APBA2: variants seen among roughly 807,000 people sequenced by gnomAD.
APBA2 encodes the protein amyloid-beta A4 precursor protein-binding family A member 2.
A neutral mutation model predicts 75.0 loss-of-function variants in APBA2; 30 were observed. That is an observed-to-expected ratio of 0.40 (90% confidence interval 0.30 to 0.54). The LOEUF is 0.54. Among genes scored for constraint, APBA2 ranks in the 20% least tolerant of loss-of-function variants. APBA2 has a pLI of 0.49. For synonymous variants in APBA2, 444 were observed against 409.6 expected (o/e 1.08, Z -1.01); for missense variants, 801 against 1,016.1 (o/e 0.79, Z 2.88).
At chr15:28,903,108 C>T (rs1484430685) in intron 1 of APBA2, among the ~76,000 whole-genome samples, 5 of 152,278 alleles carry the variant, frequency 3.3e-5, no homozygotes, top group Non-Finnish European at 1.5e-5. Flanking sequence ...TTCTGTGGTG[C>T]CGGCCAGGTT....
At chr15:28,957,540 C>G (rs926863264) in intron 2 of APBA2, among the ~76,000 whole-genome samples, 2 of 152,218 alleles carry the variant, frequency 1.3e-5, no homozygotes, top group South Asian at 4.1e-4. Context: ...CCAGTTTTCT[C>G]CACATCCTCA....
At chr15:29,108,108 C>G (rs1424624029) in intron 12 of APBA2, among the ~76,000 whole-genome samples, 162 bp from the exon 13 acceptor site, 2 of 151,980 alleles carry the variant, frequency 1.3e-5, no homozygotes, top group Non-Finnish European at 2.9e-5. Flanking sequence ...AGGCTTGTCC[C>G]CGCTGCACAG....
rs1200996519 is a variant in APBA2 at position 28,918,937 on chromosome 15, G to T, written c.-204-2703G>T. ...TGCAGTGGCGCTATCTTGGCTCACT[G>T]CAAGCTCCGCCTCCAGGGTTCACGC... On this transcript the variant is annotated intron_variant, in intron 1 of 14. Transcript: ENST00000683413. This position sits in a 1 kb window ranked among gnomAD's most constrained non-coding sequence, Gnocchi z 4.2. Among the ~76,000 whole-genome samples the T allele has an allele frequency of 6.6e-6, 1 of 151,804 alleles. No homozygotes were observed. Among genetic ancestry groups the T allele is most frequent in the Non-Finnish European group, 1.5e-5 (1 of 67,974 alleles).
chr15:28,931,508 C>T (rs974229428), intron 2 of APBA2, among the ~76,000 whole-genome samples: 8 of 152,200 alleles, frequency 5.3e-5, no homozygotes, highest in Non-Finnish European at 8.8e-5. Context: ...GGACCTGGTG[C>T]TGTTGCCACC....
intron 4 of APBA2, among the ~76,000 whole-genome samples, chr15:29,062,813 C>T (rs1367406077): frequency 1.3e-5 from 2 of 152,290 alleles, no homozygotes; most frequent in East Asian, 1.9e-4. Flanking sequence ...GTCAGGAAGC[C>T]GGCATCCCAC....
At chr15:29,071,284 G>A (rs2042610774) in intron 4 of APBA2, among the ~76,000 whole-genome samples, 9 of 152,098 alleles carry the variant, frequency 5.9e-5, no homozygotes, top group Admixed American at 5.9e-4. Context: ...TTTATTACAA[G>A]CATTTATCTC....
At chr15:29,116,339 G>A (rs949512766) in intron 14 of APBA2, among the ~76,000 whole-genome samples, 4 of 152,138 alleles carry the variant, frequency 2.6e-5, no homozygotes, top group South Asian at 4.1e-4. Context: ...TGTAAGAAGG[G>A]GTGTAGGCCG....
At chr15:29,097,615 C>G (rs535772903) in intron 8 of APBA2, among the ~76,000 whole-genome samples, 78 of 152,298 alleles carry the variant, frequency 5.1e-4, no homozygotes, top group African/African-American at 1.8e-3. Context: ...TGTGAAATGA[C>G]TATATCTAGC....
intron 9 of APBA2, 42 bp from the exon 10 acceptor site, chr15:29,101,557 C>T (rs1443778013): frequency 6.3e-7 from 1 of 1,593,748 alleles, no homozygotes; most frequent in Non-Finnish European, 8.6e-7. Flanking sequence ...ATGGATTGTC[C>T]CAGTAGTGTT....
chr15:29,079,268 A>G (rs934298928), intron 6 of APBA2, among the ~76,000 whole-genome samples: 2 of 151,802 alleles, frequency 1.3e-5, no homozygotes, highest in Non-Finnish European at 2.9e-5. Context: ...GTTCTGTACC[A>G]TTGCAGCTGA....
At chr15:28,948,731 G>C (rs2035684988) in intron 2 of APBA2, among the ~76,000 whole-genome samples, 1 of 152,214 alleles carries the variant, frequency 6.6e-6, no homozygotes, top group South Asian at 2.1e-4. Context: ...GTGCCCTGCG[G>C]TTGTGGTTTT....
intron 6 of APBA2, among the ~76,000 whole-genome samples, chr15:29,083,631 A>G (rs947596001): frequency 5.9e-5 from 9 of 152,086 alleles, no homozygotes; most frequent in South Asian, 2.1e-4. Context: ...TCTGGGTTCA[A>G]GCGATTCTCC....
At chr15:29,075,114 G>C in intron 5 of APBA2, 113 bp downstream of exon 5, 1 of 861,892 alleles carries the variant, frequency 1.2e-6, no homozygotes, top group South Asian at 1.4e-5. Flanking sequence ...CCCACCCGGT[G>C]CCTGGGGGAG....
At chr15:29,060,976 T>A (rs2042106405) in intron 4 of APBA2, among the ~76,000 whole-genome samples, 1 of 152,148 alleles carries the variant, frequency 6.6e-6, no homozygotes, top group Admixed American at 6.5e-5. Context: ...GCTCCAGGGA[T>A]GAGCCTGTGG....
At chr15:28,927,470 T>C (rs1219651461) in intron 2 of APBA2, among the ~76,000 whole-genome samples, 1 of 152,164 alleles carries the variant, frequency 6.6e-6, no homozygotes, top group African/African-American at 2.4e-5. Flanking sequence ...ATGATTTTCT[T>C]CTCCATTGTC....
At chr15:29,112,472 GTGTT>G (rs1051280127) in intron 13 of APBA2, among the ~76,000 whole-genome samples, 2 of 152,194 alleles carry the variant, frequency 1.3e-5, no homozygotes, top group African/African-American at 4.8e-5. Context: ...ACACGCATGT[GTGTT>G]TGGGACAGGT....
intron 8 of APBA2, among the ~76,000 whole-genome samples, chr15:29,096,727 GA>G (rs2043867104): frequency 6.6e-6 from 1 of 152,228 alleles, no homozygotes. Context: ...TCAGCAGGGA[GA>G]TTTCTTATTT....
At chr15:29,076,352 G>A (rs893556567) in intron 6 of APBA2, among the ~76,000 whole-genome samples, 1 of 151,968 alleles carries the variant, frequency 6.6e-6, no homozygotes. Flanking sequence ...CATCACAGAC[G>A]ACACTGATGA....
At chr15:28,946,176 T>C (rs1346248619) in intron 2 of APBA2, among the ~76,000 whole-genome samples, 1 of 152,218 alleles carries the variant, frequency 6.6e-6, no homozygotes, top group Non-Finnish European at 1.5e-5. Flanking sequence ...GAAAATGGTC[T>C]TCAGAGATAT....
Sources: allele counts gnomAD v4.1 joint callset (sites outside exome capture counted in the v4.1 genomes callset), GRCh38; gene constraint gnomAD v4.1.1; non-coding constraint Gnocchi (gnomAD v3.1); transcripts MANE v1.5; gene names NCBI Gene and HGNC (gene_info 2026-07-23, HGNC 2026-07-21).